CSMD1: variants seen among roughly 807,000 people sequenced by gnomAD.
CSMD1 encodes the protein CUB and Sushi multiple domains 1.
In CSMD1, 213 loss-of-function variants were observed where a neutral mutation model predicts 417.5. The ratio of observed to expected loss-of-function variants is 0.51; its 90% CI spans 0.46 to 0.57. The LOEUF is 0.57. Among genes scored for constraint, CSMD1 ranks in the 20% least tolerant of loss-of-function variants. CSMD1 has a pLI of 0.00. For synonymous variants in CSMD1, 2,862 were observed against 1,736.8 expected, an observed-to-expected ratio of 1.65 and a Z score of -16.11; for missense variants, 6,923 against 4,529.7, an observed-to-expected ratio of 1.53 and a Z score of -15.17.
chr8:3,967,075 G>C (rs529575421), intron 5 of CSMD1, among the ~76,000 whole-genome samples: 3 of 152,156 alleles, frequency 2.0e-5, no homozygotes, highest in Non-Finnish European at 2.9e-5. Flanking sequence ...ACATGAGCAA[G>C]CTATTCTAAC....
intron 2 of CSMD1, among the ~76,000 whole-genome samples, chr8:4,562,926 A>T (rs1307264303): frequency 6.6e-6 from 1 of 152,204 alleles, no homozygotes; most frequent in African/African-American, 2.4e-5. Flanking sequence ...TATATAAAAA[A>T]ATTAACTCTA....
intron 2 of CSMD1, among the ~76,000 whole-genome samples, chr8:4,622,393 C>A (rs937942107): frequency 3.9e-5 from 6 of 152,026 alleles, no homozygotes; most frequent in African/African-American, 7.2e-5. Flanking sequence ...GTCTGTGGGA[C>A]CTTCTGGCGA....
In CSMD1 at chr8:3,795,711, A is replaced by ATAGATATAGATATATATCTATCAT. The variant is rs1800045436; in HGVS notation, c.819-41670_819-41669insATGATAGATATATATCTATATCTA. 1.5e-4 allele frequency among the ~76,000 whole-genome samples: 5 copies of ATAGATATAGATATATATCTATCAT among 32,304 alleles called. 1 individual carries two copies. The highest frequency in any genetic ancestry group is 1.1e-3 in the Admixed American group (3 of 2,736). The allele number at this position is 32,304 out of a possible 152,430, so 21.2% of individuals were successfully genotyped here. ...TATAGATATAGATATATATCTATCA[A>ATAGATATAGATATATATCTATCAT]GTACAGCTATAGATATCTATCATGT... On this transcript the variant is annotated intron_variant, in intron 5 of 69. Transcript: ENST00000635120.
chr8:3,863,796 C>G (rs891420735), intron 5 of CSMD1, among the ~76,000 whole-genome samples: 2 of 151,902 alleles, frequency 1.3e-5, no homozygotes, highest in Non-Finnish European at 2.9e-5. Flanking sequence ...CTTAAAAATT[C>G]TACAATCTTC....
intron 9 of CSMD1, among the ~76,000 whole-genome samples, chr8:3,584,447 G>A (rs1219421689): frequency 2.0e-5 from 3 of 152,260 alleles, no homozygotes; most frequent in East Asian, 1.9e-4. Flanking sequence ...ATCTCTAAGC[G>A]TGAGTAGCTG....
chr8:3,316,803 AG>A (rs1390266297), intron 23 of CSMD1, among the ~76,000 whole-genome samples: 1 of 152,180 alleles, frequency 6.6e-6, no homozygotes, highest in African/African-American at 2.4e-5. Context: ...AGTGGGGGGA[AG>A]GCAACGGAGA....
chr8:4,169,497 G>A (rs1183568602), intron 3 of CSMD1, among the ~76,000 whole-genome samples: 3 of 151,952 alleles, frequency 2.0e-5, no homozygotes, highest in Admixed American at 6.6e-5. Context: ...CCTCTACTGC[G>A]GCCTTGTCTC....
chr8:4,292,766 T>A (rs28675348), intron 3 of CSMD1, among the ~76,000 whole-genome samples: 1 of 152,176 alleles, frequency 6.6e-6, no homozygotes, highest in Non-Finnish European at 1.5e-5. Flanking sequence ...AACTGAATAT[T>A]AAACACAATC....
chr8:3,724,771 A>C (rs952540699), intron 6 of CSMD1, among the ~76,000 whole-genome samples: 2 of 152,230 alleles, frequency 1.3e-5, no homozygotes, highest in African/African-American at 4.8e-5. Flanking sequence ...GTAAGCAAAA[A>C]GCCATAAGAA....
chr8:3,457,131 C>G (rs1816201219), intron 12 of CSMD1, among the ~76,000 whole-genome samples: 1 of 151,574 alleles, frequency 6.6e-6, no homozygotes, highest in Admixed American at 6.6e-5. Flanking sequence ...GGCCTCTCCT[C>G]CCGTACTCGT....
intron 1 of CSMD1, among the ~76,000 whole-genome samples, chr8:4,741,533 T>C (rs954236945): frequency 1.8e-4 from 28 of 152,178 alleles, no homozygotes; most frequent in African/African-American, 1.2e-4. Context: ...AATAATTGCA[T>C]GTTTTGAATA....
intron 21 of CSMD1, among the ~76,000 whole-genome samples, chr8:3,358,579 G>T (rs555700045): frequency 6.6e-6 from 1 of 152,098 alleles, no homozygotes; most frequent in African/African-American, 2.4e-5. Flanking sequence ...GCAAAGTACC[G>T]AAATAAAAAT....
At chr8:3,254,506 G>A (rs1317142101) in intron 26 of CSMD1, among the ~76,000 whole-genome samples, 1 of 152,086 alleles carries the variant, frequency 6.6e-6, no homozygotes, top group East Asian at 1.9e-4. Context: ...TCACTTTCAG[G>A]TACACCAATC....
chr8:4,001,615 G>C (rs1456164193), intron 4 of CSMD1, among the ~76,000 whole-genome samples: 3 of 152,130 alleles, frequency 2.0e-5, no homozygotes, highest in East Asian at 1.9e-4. Context: ...TTATGCCCCT[G>C]TCTAATATTT....
At chr8:3,871,021 T>G (rs1298176668) in intron 5 of CSMD1, among the ~76,000 whole-genome samples, 3 of 152,080 alleles carry the variant, frequency 2.0e-5, no homozygotes, top group Non-Finnish European at 4.4e-5. Context: ...TTTAAAAAAA[T>G]TCAATACATA....
intron 5 of CSMD1, among the ~76,000 whole-genome samples, chr8:3,992,522 T>G (rs540694801): frequency 6.6e-6 from 1 of 152,216 alleles, no homozygotes; most frequent in African/African-American, 2.4e-5. Context: ...TTGTGGCTCA[T>G]GCCTGTAATT....
chr8:3,553,783 G>T (rs1245449253), intron 10 of CSMD1, among the ~76,000 whole-genome samples: 1 of 152,144 alleles, frequency 6.6e-6, no homozygotes, highest in Non-Finnish European at 1.5e-5. Context: ...GTTTTATTAA[G>T]TGAAAAATAG....
At chr8:4,904,464 A>C (rs1762689589) in intron 1 of CSMD1, among the ~76,000 whole-genome samples, 1 of 152,220 alleles carries the variant, frequency 6.6e-6, no homozygotes, top group Non-Finnish European at 1.5e-5. Flanking sequence ...AGACATGTTC[A>C]AAGTCAAACA....
intron 12 of CSMD1, among the ~76,000 whole-genome samples, chr8:3,417,253 G>A (rs923153641): frequency 3.3e-5 from 5 of 152,102 alleles, no homozygotes; most frequent in Non-Finnish European, 4.4e-5. Flanking sequence ...AATTCCATAC[G>A]GTTTGCTACT....
Sources: gnomAD v4.1 joint callset for allele counts (sites outside exome capture counted in the v4.1 genomes callset) on GRCh38, gnomAD v4.1.1 for gene constraint, MANE v1.5 for transcripts, NCBI Gene and HGNC (gene_info 2026-07-23, HGNC 2026-07-21) for gene names.